Variants in MRPL48 observed in about 807,000 individuals in gnomAD.
MRPL48 encodes large ribosomal subunit protein mL48.
A neutral mutation model predicts 32.9 loss-of-function variants in MRPL48; 16 were observed. The observed-to-expected ratio is 0.49, with a 90% CI of 0.33 to 0.74. MRPL48 has a LOEUF of 0.74. MRPL48 is among the 30% of genes least tolerant of loss of function. MRPL48 has a pLI of 0.02. For missense variants in MRPL48, 206 were observed against 245.3 expected (o/e 0.84, Z 1.07); for synonymous variants, 94 against 89.2 (o/e 1.05, Z -0.31).
chr11:73,843,506 G>C (rs1948230547), intron 4 of MRPL48: 1 of 152,164 alleles, frequency 6.6e-6, no homozygotes, highest in Admixed American at 6.5e-5. Flanking sequence ...TTACAGGCAT[G>C]AGCCATCACG....
chr11:73,810,158 T>C (rs1947539099), intron 3 of MRPL48, among the ~76,000 whole-genome samples: 1 of 152,246 alleles, frequency 6.6e-6, no homozygotes, highest in South Asian at 2.1e-4. Context: ...CATTTTGTCA[T>C]GTTAGCTTCT....
intron 4 of MRPL48, among the ~76,000 whole-genome samples, chr11:73,829,886 T>C (rs574267868): frequency 6.6e-6 from 1 of 152,302 alleles, no homozygotes; most frequent in South Asian, 2.1e-4. Flanking sequence ...CTCTTCAGCC[T>C]CCTGAGTAGC....
chr11:73,841,368 C>A (rs997972188), intron 4 of MRPL48, among the ~76,000 whole-genome samples: 1 of 152,152 alleles, frequency 6.6e-6, no homozygotes, highest in Non-Finnish European at 1.5e-5. Context: ...CTATTCATAA[C>A]GGCCCCATAC....
chr11:73,812,465 A>C (rs955882619), intron 3 of MRPL48, among the ~76,000 whole-genome samples: 7 of 152,030 alleles, frequency 4.6e-5, no homozygotes, highest in Non-Finnish European at 7.4e-5. Context: ...GATTTTGATA[A>C]GTATTGCCAG....
At chr11:73,816,968 G>T (rs1207188251) in intron 3 of MRPL48, among the ~76,000 whole-genome samples, 1 of 151,828 alleles carries the variant, frequency 6.6e-6, no homozygotes, top group Admixed American at 6.6e-5. Context: ...TGGGATTACA[G>T]GTGTGCACTA....
chr11:73,811,376 A>G (rs1200420573), intron 3 of MRPL48, among the ~76,000 whole-genome samples: 1 of 152,238 alleles, frequency 6.6e-6, no homozygotes, highest in Non-Finnish European at 1.5e-5. Flanking sequence ...ATGCTTTAAA[A>G]AAGTTTGAGA....
chr11:73,790,015 C>A (rs925492698), intron 1 of MRPL48, among the ~76,000 whole-genome samples: 1 of 151,732 alleles, frequency 6.6e-6, no homozygotes, highest in Non-Finnish European at 1.5e-5. Flanking sequence ...TTTCACTCAG[C>A]CTCATGAGCA....
intron 6 of MRPL48, among the ~76,000 whole-genome samples, chr11:73,861,675 G>A (rs1460541676): frequency 2.0e-5 from 3 of 152,020 alleles, no homozygotes; most frequent in African/African-American, 7.2e-5. Context: ...GGCCAATGGA[G>A]CTAGTTTTAA....
chr11:73,844,746 A>G, intron 4 of MRPL48, 61 bp from the exon 5 acceptor site: 2 of 1,503,198 alleles, frequency 1.3e-6, no homozygotes, highest in East Asian at 2.4e-5. Flanking sequence ...ATATCAAGAT[A>G]GTATTATTAG....
intron 5 of MRPL48, among the ~76,000 whole-genome samples, chr11:73,853,753 C>T (rs1285065321): frequency 2.3e-5 from 3 of 130,570 alleles, no homozygotes; most frequent in South Asian, 4.8e-4. Context: ...TGCAGTGGCG[C>T]GATCTCGGCT....
At chr11:73,864,226 A>C in intron 7 of MRPL48, 70 bp from the exon 8 acceptor site, 2 of 1,429,586 alleles carry the variant, frequency 1.4e-6, no homozygotes, top group Non-Finnish European at 1.9e-6. Flanking sequence ...CCCTTTTTGG[A>C]TGCTGTGCAT....
chr11:73,847,023 C>T (rs1219204845), intron 5 of MRPL48, among the ~76,000 whole-genome samples: 2 of 150,778 alleles, frequency 1.3e-5, no homozygotes, highest in Non-Finnish European at 2.9e-5. Context: ...TGCAGTGGCA[C>T]AGTCTTGGCT....
chr11:73,854,667 G>A lies in MRPL48; in HGVS notation c.372-5240G>A, dbSNP rs554090255. On this transcript the variant is annotated intron_variant, in intron 5 of 7. Coordinates refer to ENST00000310614, the MANE Select transcript of MRPL48 (RefSeq NM_016055.6). The stretch of plus-strand genomic sequence containing the variant: ...GCTAAGTGGTCAGTGCTGCATGGTT[G>A]TATACTCCTGGATTATAGATTAAAA... Among the ~76,000 whole-genome samples the A allele has an allele frequency of 3.3e-5, 5 of 152,260 alleles. No homozygotes were observed. The South Asian group carries it at 1.0e-3, about 32-fold the overall frequency.
chr11:73,794,788 A>C (rs1395669728), intron 1 of MRPL48, among the ~76,000 whole-genome samples: 7 of 142,224 alleles, frequency 4.9e-5, no homozygotes, highest in African/African-American at 1.9e-4. Context: ...TCTGTTGCCC[A>C]GGCTGGAGTG....
At chr11:73,825,016 A>T (rs1252583487) in intron 3 of MRPL48, among the ~76,000 whole-genome samples, 1 of 152,192 alleles carries the variant, frequency 6.6e-6, no homozygotes, top group Non-Finnish European at 1.5e-5. Flanking sequence ...CCCTCAAATC[A>T]TCTGCTGTTC....
chr11:73,828,786 T>C (rs569972142), intron 4 of MRPL48, among the ~76,000 whole-genome samples: 1 of 152,036 alleles, frequency 6.6e-6, no homozygotes, highest in Admixed American at 6.6e-5. Flanking sequence ...CTAAGCATCC[T>C]TTTATTTGCT....
chr11:73,853,734 A>T (rs1248934861), intron 5 of MRPL48, among the ~76,000 whole-genome samples: 1 of 116,602 alleles, frequency 8.6e-6, no homozygotes, highest in Admixed American at 1.3e-4. Context: ...TCTGTTGCCC[A>T]GGCTAGAGTG....
At position 73,825,008 on chromosome 11, in the gene MRPL48, C is replaced by T. The variant is rs149700344; in HGVS notation, c.113-700C>T. On this transcript the variant is annotated intron_variant, in intron 3 of 7. Coordinates refer to ENST00000310614, the MANE Select transcript of MRPL48 (RefSeq NM_016055.6). Reference sequence around the variant, plus strand: ...AGTCCTGCAGTGGAGAATTTGTCCCCTCAAATCATCTGCTGTTCCCAGAGG... The same window carrying T: ...AGTCCTGCAGTGGAGAATTTGTCCCTTCAAATCATCTGCTGTTCCCAGAGG... 9.7e-3 allele frequency among the ~76,000 whole-genome samples: 1,479 copies of T among 152,264 alleles called. 19 individuals are homozygous for T. The highest frequency in any genetic ancestry group is 0.037 in the Middle Eastern group (11 of 294).
intron 1 of MRPL48, among the ~76,000 whole-genome samples, chr11:73,794,911 ATT>A (rs556425789): frequency 2.1e-4 from 21 of 102,208 alleles, no homozygotes; most frequent in Admixed American, 2.0e-4. Context: ...TGCCCAGCTA[ATT>A]TTTTTTTTTT....
Sources: allele counts gnomAD v4.1 joint callset (sites outside exome capture counted in the v4.1 genomes callset), GRCh38; gene constraint gnomAD v4.1.1; transcripts MANE v1.5; gene names NCBI Gene and HGNC (gene_info 2026-07-23, HGNC 2026-07-21).